Variants in SLC35F3 observed in about 807,000 individuals in gnomAD.
The protein encoded by SLC35F3 is solute carrier family 35 member F3.
In SLC35F3, 25 loss-of-function variants were observed where a neutral mutation model predicts 49.9. The ratio of observed to expected loss-of-function variants is 0.50; its 90% CI spans 0.37 to 0.70. SLC35F3 has a LOEUF of 0.70. Among genes scored for constraint, SLC35F3 ranks in the 30% least tolerant of loss-of-function variants. The probability of loss-of-function intolerance (pLI) is 0.00; values close to 1 mark genes in which losing one functional copy is unlikely to be tolerated. For missense variants in SLC35F3, 525 were observed against 639.8 expected, an observed-to-expected ratio of 0.82 and a Z score of 1.94; for synonymous variants, 275 against 265.4, an observed-to-expected ratio of 1.04 and a Z score of -0.35.
intron 2 of SLC35F3, among the ~76,000 whole-genome samples, chr1:234,110,053 G>A (rs1219060681): frequency 2.0e-5 from 3 of 152,128 alleles, no homozygotes; most frequent in Admixed American, 1.3e-4. Context: ...AGGATGGAAA[G>A]CGAAGGACAG....
At chr1:234,257,948 G>C (rs1667847269) in intron 3 of SLC35F3, among the ~76,000 whole-genome samples, 1 of 152,182 alleles carries the variant, frequency 6.6e-6, no homozygotes, top group Non-Finnish European at 1.5e-5. Context: ...TGGCTTGTCT[G>C]TAGTGCTTAC....
chr1:234,270,378 A>G (rs1378806149), intron 3 of SLC35F3, among the ~76,000 whole-genome samples: 2 of 152,230 alleles, frequency 1.3e-5, no homozygotes, highest in African/African-American at 4.8e-5. Context: ...CAAATTCTAT[A>G]AAGAAATTCT....
intron 2 of SLC35F3, among the ~76,000 whole-genome samples, chr1:233,938,593 C>G (rs775421725): frequency 6.6e-6 from 1 of 151,578 alleles, no homozygotes; most frequent in Non-Finnish European, 1.5e-5. Flanking sequence ...AGTGAGAAGA[C>G]GAAGAGCTAA....
chr1:233,980,046 T>C (rs1186214229), intron 2 of SLC35F3, among the ~76,000 whole-genome samples: 1 of 152,198 alleles, frequency 6.6e-6, no homozygotes, highest in Non-Finnish European at 1.5e-5. Context: ...TAGAGAGGAC[T>C]GGTATGTTTG....
At chr1:234,283,415 A>G (rs1400197184) in intron 3 of SLC35F3, among the ~76,000 whole-genome samples, 7 of 152,244 alleles carry the variant, frequency 4.6e-5, no homozygotes, top group Non-Finnish European at 4.4e-5. Flanking sequence ...AGAATAAACA[A>G]TTGTGCAACT....
At chr1:234,305,382 G>C (rs1323305966) in intron 3 of SLC35F3, among the ~76,000 whole-genome samples, 2 of 110,096 alleles carry the variant, frequency 1.8e-5, no homozygotes, top group African/African-American at 3.9e-5. Flanking sequence ...TAGCAGTATT[G>C]CTTTTTTTTT....
At chr1:233,996,639 G>T (rs1663465898) in intron 2 of SLC35F3, among the ~76,000 whole-genome samples, 1 of 152,130 alleles carries the variant, frequency 6.6e-6, no homozygotes, top group African/African-American at 2.4e-5. Context: ...TCCTCACATG[G>T]TGATCATTTT....
chr1:234,082,918 GA>G (rs1664902329), intron 2 of SLC35F3, among the ~76,000 whole-genome samples: 1 of 152,134 alleles, frequency 6.6e-6, no homozygotes, highest in South Asian at 2.1e-4. Context: ...AATTAAAGAT[GA>G]GATTTGGGTG....
intron 2 of SLC35F3, among the ~76,000 whole-genome samples, chr1:234,106,392 G>C (rs951599530): frequency 6.6e-6 from 1 of 152,226 alleles, no homozygotes; most frequent in Non-Finnish European, 1.5e-5. Flanking sequence ...TCACAGGCTA[G>C]GTGGTTTAAA....
intron 2 of SLC35F3, among the ~76,000 whole-genome samples, chr1:234,204,872 T>C (rs2102936531): frequency 6.6e-6 from 1 of 152,388 alleles, no homozygotes; most frequent in East Asian, 1.9e-4. Flanking sequence ...GGCTTTGCCT[T>C]AAGCAGGATT....
At chr1:234,135,222 G>A (rs1665792551) in intron 2 of SLC35F3, among the ~76,000 whole-genome samples, 1 of 152,204 alleles carries the variant, frequency 6.6e-6, no homozygotes, top group Non-Finnish European at 1.5e-5. Flanking sequence ...TATCATGAAA[G>A]AGTGAATGAT....
intron 2 of SLC35F3, among the ~76,000 whole-genome samples, chr1:233,969,684 T>G (rs1662960850): frequency 6.6e-6 from 1 of 152,256 alleles, no homozygotes; most frequent in African/African-American, 2.4e-5. Flanking sequence ...CTCGTTCGAA[T>G]GACTGCTAAG....
chr1:234,218,554 G>A (rs1364342520), intron 2 of SLC35F3, among the ~76,000 whole-genome samples: 1 of 152,120 alleles, frequency 6.6e-6, no homozygotes, highest in East Asian at 1.9e-4. Flanking sequence ...TTTTCCCTAA[G>A]CAAGGGTAAG....
Position 234,214,407 on chromosome 1 carries a change from C to T in SLC35F3, c.284-17010C>T. 7.2e-7 allele frequency: 1 copy of T among 1,396,784 alleles called. No homozygotes were observed. Among genetic ancestry groups the T allele is most frequent in the Non-Finnish European group, 9.3e-7 (1 of 1,072,522 alleles). The allele number at this position is 1,396,784 out of a possible 1,614,324, so 86.5% of individuals were successfully genotyped here. A position where few individuals can be genotyped will look rare whatever the true frequency, so the allele number is the denominator to read the frequency against. On this transcript the variant is annotated intron_variant, in intron 2 of 7. Transcript: ENST00000366618. The surrounding 1 kb of genome is among the most constrained non-coding windows in gnomAD (Gnocchi z 8.0). ...CTGGTGCTCCCCGGCGGCAGAGGGCCGCGTCGGCCACGGGCCCGGGAGAGA... is the reference window on the plus strand; with the variant it reads ...CTGGTGCTCCCCGGCGGCAGAGGGCTGCGTCGGCCACGGGCCCGGGAGAGA...
Position 234,287,330 on chromosome 1 carries a change from C to T in SLC35F3, c.609-21771C>T, listed in dbSNP as rs539986830. 3.3e-5 allele frequency among the ~76,000 whole-genome samples: 5 copies of T among 152,250 alleles called. No individual in the cohort carries two copies. In the East Asian group the frequency reaches 9.6e-4, roughly 29 times the overall value. On this transcript the variant is annotated intron_variant, in intron 3 of 7. Transcript: ENST00000366618. ...AGATATGCCTTATACCCATATGAGA[C>T]ATAAACATTCATAGAGGTTAAATAA...
chr1:234,195,679 AGATAGAAAGTATGATATGGTTT>A (rs1231857318), intron 2 of SLC35F3, among the ~76,000 whole-genome samples: 11 of 152,126 alleles, frequency 7.2e-5, no homozygotes, highest in Admixed American at 7.2e-4. Context: ...TGCCACAGTG[AGATAGAAAGTATGATATGGTTT>A]GGCTGCATCC....
At chr1:234,103,658 C>T (rs375033401) in intron 2 of SLC35F3, among the ~76,000 whole-genome samples, 2 of 152,326 alleles carry the variant, frequency 1.3e-5, no homozygotes, top group African/African-American at 4.8e-5. Flanking sequence ...CAAGATCTTC[C>T]TGTCAGGGGC....
intron 3 of SLC35F3, among the ~76,000 whole-genome samples, chr1:234,264,480 A>C (rs1667951576): frequency 6.6e-6 from 1 of 152,224 alleles, no homozygotes; most frequent in South Asian, 2.1e-4. Flanking sequence ...ATGAGCTCTT[A>C]TCAGAGTCAT....
chr1:233,930,155 GAA>G (rs55771904), intron 2 of SLC35F3, among the ~76,000 whole-genome samples: 1 of 145,900 alleles, frequency 6.9e-6, no homozygotes, highest in African/African-American at 2.6e-5. Context: ...TTTCTTAAAA[GAA>G]AAAAAAAAAA....
Sources: gnomAD v4.1 joint callset for allele counts (sites outside exome capture counted in the v4.1 genomes callset) on GRCh38, gnomAD v4.1.1 for gene constraint, Gnocchi (gnomAD v3.1) non-coding constraint, MANE v1.5 for transcripts, NCBI Gene and HGNC (gene_info 2026-07-23, HGNC 2026-07-21) for gene names.